The following TRMT11 variants were observed in gnomAD, a reference collection of about 807,000 sequenced individuals.
The protein encoded by TRMT11 is tRNA (guanine(10)-N(2))-methyltransferase TRMT11.
TRMT11 carries 53 observed loss-of-function variants against 62.8 expected under a neutral mutation model. The observed-to-expected ratio is 0.84, with a 90% CI of 0.68 to 1.06. The LOEUF (loss-of-function observed/expected upper bound fraction) is 1.06, where lower values mean the gene tolerates loss of function less well. TRMT11 is among the 50% of genes least tolerant of loss of function. The probability of loss-of-function intolerance (pLI) is 0.00; values close to 1 mark genes in which losing one functional copy is unlikely to be tolerated. For missense variants in TRMT11, 556 were observed against 553.4 expected, an observed-to-expected ratio of 1.00 and a Z score of -0.05; for synonymous variants, 188 against 190.3, an observed-to-expected ratio of 0.99 and a Z score of 0.10.
chr6:126,163,491 C>T (rs1403849962), intron 21 of TRMT11, among the ~76,000 whole-genome samples: 1 of 152,178 alleles, frequency 6.6e-6, no homozygotes, highest in African/African-American at 2.4e-5. Flanking sequence ...CAATGTTCCT[C>T]AGGGATATCG....
intron 12 of TRMT11, among the ~76,000 whole-genome samples, chr6:126,031,196 A>T (rs1334568720): frequency 6.6e-6 from 1 of 152,158 alleles, no homozygotes; most frequent in Non-Finnish European, 1.5e-5. Flanking sequence ...AGGACAGGTG[A>T]ACTTTTAGAA....
chr6:126,093,666 G>A (rs1777308335), intron 17 of TRMT11, among the ~76,000 whole-genome samples: 1 of 130,646 alleles, frequency 7.7e-6, no homozygotes, highest in Admixed American at 8.3e-5. Context: ...ATTAGGTGCT[G>A]GAACTTGCTC....
intron 17 of TRMT11, among the ~76,000 whole-genome samples, chr6:126,082,407 T>C (rs1777167809): frequency 6.6e-6 from 1 of 152,108 alleles, no homozygotes; most frequent in Non-Finnish European, 1.5e-5. Flanking sequence ...CACTATAATA[T>C]ACATGTGTAA....
At chr6:126,098,639 T>G (rs1777364706) in intron 17 of TRMT11, among the ~76,000 whole-genome samples, 1 of 152,302 alleles carries the variant, frequency 6.6e-6, no homozygotes, top group Admixed American at 6.5e-5. Flanking sequence ...TTGTTAGAAA[T>G]CTGTGAAATG....
chr6:126,115,102 A>T (rs1777572411), intron 19 of TRMT11, among the ~76,000 whole-genome samples: 1 of 152,042 alleles, frequency 6.6e-6, no homozygotes, highest in African/African-American at 2.4e-5. Flanking sequence ...AAGGGACTGT[A>T]CTAACATAGC....
chr6:126,165,095 G>C (rs1583895609), intron 21 of TRMT11, among the ~76,000 whole-genome samples: 1 of 152,054 alleles, frequency 6.6e-6, no homozygotes, highest in Non-Finnish European at 1.5e-5. Flanking sequence ...TGGCCAACAT[G>C]GTGAAACCCC....
At chr6:126,032,207 C>T (rs2128047500) in intron 12 of TRMT11, among the ~76,000 whole-genome samples, 1 of 152,256 alleles carries the variant, frequency 6.6e-6, no homozygotes, top group East Asian at 1.9e-4. Context: ...GCAGTTTCTC[C>T]CTCCATTCCA....
At chr6:126,091,158 C>T (rs1368338312) in intron 17 of TRMT11, among the ~76,000 whole-genome samples, 4 of 149,872 alleles carry the variant, frequency 2.7e-5, no homozygotes, top group South Asian at 2.1e-4. Flanking sequence ...GAGCCGAGAT[C>T]GCGCCACTGC....
chr6:126,158,645 A>G (rs1402043183), intron 21 of TRMT11, among the ~76,000 whole-genome samples: 1 of 152,124 alleles, frequency 6.6e-6, no homozygotes, highest in South Asian at 2.1e-4. Flanking sequence ...TACTGTATTT[A>G]TTTTTTACAT....
the TRMT11 span, among the ~76,000 whole-genome samples, chr6:126,263,927 C>T: frequency 6.6e-6 from 1 of 152,166 alleles, no homozygotes; most frequent in African/African-American, 2.4e-5. Flanking sequence ...TTTAATCTTC[C>T]AAATGAGAGG....
chr6:126,193,242 G>A (rs368958749), intron 1 of TRMT11, among the ~76,000 whole-genome samples: 3 of 151,858 alleles, frequency 2.0e-5, no homozygotes, highest in African/African-American at 7.2e-5. Flanking sequence ...ATGATCCTTT[G>A]TATTTCTATG....
intron 17 of TRMT11, among the ~76,000 whole-genome samples, chr6:126,080,326 G>T (rs1444040550): frequency 6.6e-6 from 1 of 151,946 alleles, no homozygotes; most frequent in Non-Finnish European, 1.5e-5. Flanking sequence ...GCCCAGGCTG[G>T]TTTCAAACTT....
chr6:126,091,632 C>T (rs904245240), intron 17 of TRMT11, among the ~76,000 whole-genome samples: 3 of 152,110 alleles, frequency 2.0e-5, no homozygotes, highest in Non-Finnish European at 2.9e-5. Context: ...TGCACTCGGT[C>T]ACACCCTATT....
At chr6:126,133,368 C>T (rs907135350) in intron 21 of TRMT11, among the ~76,000 whole-genome samples, 1 of 151,914 alleles carries the variant, frequency 6.6e-6, no homozygotes, top group African/African-American at 2.4e-5. Context: ...GGAGCATATA[C>T]AAAAAAGTGA....
At chr6:126,068,920 TG>T (rs981165673) in intron 17 of TRMT11, among the ~76,000 whole-genome samples, 2 of 152,236 alleles carry the variant, frequency 1.3e-5, no homozygotes, top group Non-Finnish European at 2.9e-5. Context: ...CTAGAAATGA[TG>T]GCTGTAACAG....
intron 2 of TRMT11, 63 bp downstream of exon 2, chr6:125,993,885 A>G: frequency 1.1e-6 from 1 of 938,272 alleles, no homozygotes; most frequent in Non-Finnish European, 1.7e-6. Flanking sequence ...GGGTTTGAAG[A>G]GAAGAAGTGC....
the TRMT11 span, among the ~76,000 whole-genome samples, chr6:126,267,379 T>G: frequency 6.6e-6 from 1 of 152,152 alleles, no homozygotes; most frequent in Non-Finnish European, 1.5e-5. Flanking sequence ...TGCCTGTAAT[T>G]TTAGGATTTA....
chr6:126,093,605 A>G (rs1389979409), intron 17 of TRMT11, among the ~76,000 whole-genome samples: 11 of 87,210 alleles, frequency 1.3e-4, no homozygotes, highest in African/African-American at 7.9e-4. Flanking sequence ...ATATATATAT[A>G]TATATATATA....
intron 21 of TRMT11, among the ~76,000 whole-genome samples, chr6:126,166,212 T>C (rs1458143053): frequency 6.6e-6 from 1 of 152,142 alleles, no homozygotes; most frequent in East Asian, 1.9e-4. Flanking sequence ...CTTAGCTTCC[T>C]TCCATTGGGT....
Sources: allele counts gnomAD v4.1 joint callset (sites outside exome capture counted in the v4.1 genomes callset), GRCh38; gene constraint gnomAD v4.1.1; transcripts MANE v1.5; gene names NCBI Gene and HGNC (gene_info 2026-07-23, HGNC 2026-07-21).